BRINP3: variants seen among roughly 807,000 people sequenced by gnomAD.
BRINP3 encodes BMP/retinoic acid-inducible neural-specific protein 3.
BRINP3 carries 19 observed loss-of-function variants against 71.0 expected under a neutral mutation model. That is an observed-to-expected ratio of 0.27 (90% CI 0.19 to 0.39). The LOEUF (loss-of-function observed/expected upper bound fraction) is 0.39. BRINP3 is among the 10% of genes least tolerant of loss of function. BRINP3 has a pLI of 1.00. For missense variants in BRINP3, 959 were observed against 940.8 expected (o/e 1.02, Z -0.25); for synonymous variants, 380 against 337.7 (o/e 1.13, Z -1.37).
chr1:190,350,514 G>A (rs1668309286), intron 2 of BRINP3, among the ~76,000 whole-genome samples: 1 of 152,018 alleles, frequency 6.6e-6, no homozygotes, highest in Admixed American at 6.6e-5. Flanking sequence ...AAACTCAAAA[G>A]ACAAAAGGAA....
chr1:190,105,796 C>A (rs1297041200), intron 7 of BRINP3, among the ~76,000 whole-genome samples: 1 of 151,404 alleles, frequency 6.6e-6, no homozygotes, highest in Non-Finnish European at 1.5e-5. Flanking sequence ...TAATATAGTT[C>A]AAAAAAATCA....
chr1:190,273,891 C>A (rs946390650), intron 3 of BRINP3, among the ~76,000 whole-genome samples: 25 of 151,658 alleles, frequency 1.6e-4, no homozygotes, highest in Admixed American at 4.0e-4. Flanking sequence ...TTCTTTGCAA[C>A]TACTTACAAC....
chr1:190,173,472 T>C (rs910521364), intron 6 of BRINP3, among the ~76,000 whole-genome samples: 1 of 152,162 alleles, frequency 6.6e-6, no homozygotes, highest in Non-Finnish European at 1.5e-5. Flanking sequence ...GGGAGATACA[T>C]TGGTCTTCAT....
chr1:190,369,826 T>G (rs1465493425), intron 2 of BRINP3, among the ~76,000 whole-genome samples: 1 of 152,150 alleles, frequency 6.6e-6, no homozygotes, highest in East Asian at 1.9e-4. Flanking sequence ...TGCTTCATAA[T>G]GTTAAATATA....
At chr1:190,328,562 G>T (rs1233819546) in intron 2 of BRINP3, among the ~76,000 whole-genome samples, 4 of 151,680 alleles carry the variant, frequency 2.6e-5, no homozygotes, top group African/African-American at 9.7e-5. Flanking sequence ...ATGCCACAGG[G>T]CCAGTTAGAG....
At chr1:190,131,194 T>TG (rs1000665513) in intron 7 of BRINP3, among the ~76,000 whole-genome samples, 1 of 52,026 alleles carries the variant, frequency 1.9e-5, no homozygotes, top group Non-Finnish European at 3.6e-5. Flanking sequence ...GGGTGGGGGG[T>TG]GGGGGGACAG....
chr1:190,247,733 T>C (rs1314100661), intron 4 of BRINP3, among the ~76,000 whole-genome samples: 3 of 151,848 alleles, frequency 2.0e-5, no homozygotes, highest in African/African-American at 7.2e-5. Flanking sequence ...CACATGTGAG[T>C]GAAAGCATGT....
At chr1:190,139,884 C>A (rs1655288984) in intron 7 of BRINP3, among the ~76,000 whole-genome samples, 1 of 152,154 alleles carries the variant, frequency 6.6e-6, no homozygotes, top group Non-Finnish European at 1.5e-5. Context: ...GGGGCTACCC[C>A]ATGAGTAAAC....
intron 2 of BRINP3, among the ~76,000 whole-genome samples, chr1:190,423,011 C>A: frequency 6.6e-6 from 1 of 151,676 alleles, no homozygotes; most frequent in East Asian, 1.9e-4. Context: ...CCACTTGCAG[C>A]CTAGGCAGGC....
chr1:190,196,164 C>T (rs904707426), intron 6 of BRINP3, among the ~76,000 whole-genome samples: 2 of 152,076 alleles, frequency 1.3e-5, no homozygotes, highest in Non-Finnish European at 2.9e-5. Context: ...TTATCCCAAC[C>T]CTGGCTTCCA....
chr1:190,166,147 C>T (rs752038611), intron 6 of BRINP3, among the ~76,000 whole-genome samples: 32 of 152,102 alleles, frequency 2.1e-4, no homozygotes, highest in Non-Finnish European at 4.0e-4. Context: ...AGAGTTTATA[C>T]GGAAACTGAC....
At chr1:190,424,891 A>G (rs766449030) in intron 2 of BRINP3, among the ~76,000 whole-genome samples, 3 of 151,702 alleles carry the variant, frequency 2.0e-5, no homozygotes, top group African/African-American at 2.4e-5. Flanking sequence ...AGAAGTAAGT[A>G]TGATGACATG....
At chr1:190,396,644 TA>T (rs1671584791) in intron 2 of BRINP3, among the ~76,000 whole-genome samples, 1 of 145,404 alleles carries the variant, frequency 6.9e-6, no homozygotes, top group African/African-American at 2.5e-5. Flanking sequence ...TTTGAAAACA[TA>T]AAACAGAGCA....
At chr1:190,247,448 G>A (rs752310950) in intron 4 of BRINP3, among the ~76,000 whole-genome samples, 5 of 152,036 alleles carry the variant, frequency 3.3e-5, no homozygotes, top group Middle Eastern at 6.8e-3. Context: ...CTATGCTGAT[G>A]GATGAATAAC....
rs772353396 is a variant in BRINP3 at position 190,098,639 on chromosome 1, A to G, written c.1680T>C (p.Thr560=). The G allele has an allele frequency of 1.2e-6, 2 of 1,614,018 alleles. No homozygotes were observed. The highest frequency in any genetic ancestry group is 1.3e-5 in the African/African-American group (1 of 74,902). ...ILGLSLQICL[T]KNSTLEPVLA... ...ACACTGGCTCCAAGGTGCTGTTTTT[A>G]GTTAAGCAAATCTGTAAAGAGAGAC... Residue 560 remains threonine, a synonymous_variant, in exon 8 of 8, where the codon ACT becomes ACC. Transcript: ENST00000367462.
At chr1:190,133,849 G>T (rs932342424) in intron 7 of BRINP3, among the ~76,000 whole-genome samples, 3 of 152,014 alleles carry the variant, frequency 2.0e-5, no homozygotes, top group African/African-American at 7.2e-5. Context: ...ATAAAATGAG[G>T]CAGGGTCCTG....
At chr1:190,451,589 TA>T (rs1374724035) in intron 2 of BRINP3, among the ~76,000 whole-genome samples, 1 of 151,972 alleles carries the variant, frequency 6.6e-6, no homozygotes, top group Admixed American at 6.6e-5. Context: ...TTTTTTTTTT[TA>T]AATGAGGCAA....
At chr1:190,144,342 A>G (rs893330015) in intron 7 of BRINP3, among the ~76,000 whole-genome samples, 11 of 152,134 alleles carry the variant, frequency 7.2e-5, no homozygotes, top group Non-Finnish European at 1.3e-4. Flanking sequence ...CAGGGAAAGT[A>G]TCTGACTCCA....
At chr1:190,244,130 C>T (rs1659362335) in intron 4 of BRINP3, among the ~76,000 whole-genome samples, 1 of 151,984 alleles carries the variant, frequency 6.6e-6, no homozygotes, top group Admixed American at 6.6e-5. Context: ...CTTGAATCAT[C>T]CTGAAACCAT....
Sources: allele counts gnomAD v4.1 joint callset (sites outside exome capture counted in the v4.1 genomes callset), GRCh38; gene constraint gnomAD v4.1.1; transcripts MANE v1.5; gene names NCBI Gene and HGNC (gene_info 2026-07-23, HGNC 2026-07-21).